The following AGBL4 variants were observed in gnomAD, a reference collection of about 807,000 sequenced individuals.
AGBL4 encodes cytosolic carboxypeptidase 6.
Under a neutral mutation model 66.4 loss-of-function variants are expected in AGBL4, and 58 were observed. The ratio of observed to expected loss-of-function variants is 0.87; its 90% confidence interval spans 0.71 to 1.09. The LOEUF is 1.09. AGBL4 is among the 50% of genes least tolerant of loss of function. The pLI, the probability that AGBL4 is intolerant of heterozygous loss-of-function variation, is 0.00. For missense variants in AGBL4, 579 were observed against 631.0 expected (o/e 0.92, Z 0.88); for synonymous variants, 234 against 222.9 (o/e 1.05, Z -0.44).
chr1:49,853,303 A>G (rs1215401783), intron 1 of AGBL4, among the ~76,000 whole-genome samples: 1 of 152,208 alleles, frequency 6.6e-6, no homozygotes, highest in East Asian at 1.9e-4. Flanking sequence ...CCACAGTAAT[A>G]ATACAAAAGG....
intron 1 of AGBL4, among the ~76,000 whole-genome samples, chr1:49,935,591 A>G (rs943740641): frequency 3.3e-5 from 5 of 152,212 alleles, no homozygotes; most frequent in Non-Finnish European, 7.3e-5. Flanking sequence ...CCCCCCCAGT[A>G]GGGGCAGACT....
chr1:49,378,668 C>T (rs894773023), intron 3 of AGBL4, among the ~76,000 whole-genome samples: 2 of 152,068 alleles, frequency 1.3e-5, no homozygotes, highest in African/African-American at 2.4e-5. Context: ...TTTCAGACAG[C>T]GTTACAAGTC....
intron 5 of AGBL4, among the ~76,000 whole-genome samples, chr1:49,011,221 G>A (rs879463295): frequency 6.6e-6 from 1 of 151,820 alleles, no homozygotes; most frequent in Non-Finnish European, 1.5e-5. Flanking sequence ...GTGGGCAAAG[G>A]ACATGAACAG....
At chr1:49,169,499 A>G (rs529337691) in intron 4 of AGBL4, among the ~76,000 whole-genome samples, 2 of 152,358 alleles carry the variant, frequency 1.3e-5, no homozygotes, top group African/African-American at 4.8e-5. Flanking sequence ...TGAAACTCAT[A>G]TAACAAAATT....
intron 6 of AGBL4, among the ~76,000 whole-genome samples, chr1:48,849,922 G>A (rs983998974): frequency 1.3e-5 from 2 of 152,086 alleles, no homozygotes; most frequent in Non-Finnish European, 2.9e-5. Context: ...GCTGTGAGCC[G>A]AGATCGCACC....
At chr1:49,256,461 C>A (rs769374658) in intron 3 of AGBL4, among the ~76,000 whole-genome samples, 21 of 151,870 alleles carry the variant, frequency 1.4e-4, no homozygotes, top group Non-Finnish European at 2.1e-4. Context: ...TATCAGATAC[C>A]TATAAATAAA....
chr1:48,682,073 A>G (rs879925867), intron 6 of AGBL4, among the ~76,000 whole-genome samples: 1 of 152,246 alleles, frequency 6.6e-6, no homozygotes, highest in Non-Finnish European at 1.5e-5. Context: ...AGATTAGGAC[A>G]CAGACTTGTG....
At chr1:48,795,739 G>A (rs1335218568) in intron 6 of AGBL4, among the ~76,000 whole-genome samples, 11 of 152,232 alleles carry the variant, frequency 7.2e-5, no homozygotes, top group Admixed American at 2.0e-4. Context: ...TGCAGCCTCC[G>A]CCTCCTGGGT....
At chr1:49,985,617 T>C (rs978398948) in intron 1 of AGBL4, among the ~76,000 whole-genome samples, 1 of 152,198 alleles carries the variant, frequency 6.6e-6, no homozygotes. Flanking sequence ...AAAAAGCCAG[T>C]ACACACGGGC....
chr1:49,008,734 C>T (rs1209169472), intron 5 of AGBL4, among the ~76,000 whole-genome samples: 2 of 135,792 alleles, frequency 1.5e-5, no homozygotes, highest in East Asian at 2.2e-4. Flanking sequence ...CACTCAAAAC[C>T]GCTCAACTAC....
At chr1:49,466,473 G>A (rs1646633219) in intron 3 of AGBL4, among the ~76,000 whole-genome samples, 1 of 151,622 alleles carries the variant, frequency 6.6e-6, no homozygotes, top group Non-Finnish European at 1.5e-5. Flanking sequence ...GGCAATGAAT[G>A]GGCCTTGCTC....
At chr1:48,796,985 G>A (rs1395015349) in intron 6 of AGBL4, among the ~76,000 whole-genome samples, 3 of 152,128 alleles carry the variant, frequency 2.0e-5, no homozygotes, top group Non-Finnish European at 4.4e-5. Flanking sequence ...CCTTCTAGGG[G>A]TCAATGATAT....
At chr1:49,029,713 G>A (rs1488322127) in intron 5 of AGBL4, among the ~76,000 whole-genome samples, 1 of 152,152 alleles carries the variant, frequency 6.6e-6, no homozygotes, top group Non-Finnish European at 1.5e-5. Flanking sequence ...ATGGCACCAT[G>A]TATAGCCAAA....
intron 6 of AGBL4, among the ~76,000 whole-genome samples, chr1:48,665,863 G>A (rs563216072): frequency 1.3e-5 from 2 of 152,306 alleles, no homozygotes; most frequent in South Asian, 4.1e-4. Context: ...GCACTAAGGA[G>A]GCCCTTGGTG....
At position 48,933,348 on chromosome 1, in the gene AGBL4, TC is replaced by T. The variant is rs572498993; in HGVS notation, c.595-66119del. On this transcript the variant is annotated intron_variant, in intron 5 of 13. Transcript: ENST00000371839. Reference sequence around the variant, plus strand: ...AATTTCTTTTAAAATACAATGGCCATCCAACTTTGCCTTAAACTCATCCAGA... The same window carrying T: ...AATTTCTTTTAAAATACAATGGCCATCAACTTTGCCTTAAACTCATCCAGA... Among the ~76,000 whole-genome samples the T allele has an allele frequency of 2.8e-4, 42 of 152,302 alleles. No individual in the cohort carries two copies. In the South Asian group the frequency reaches 8.7e-3, roughly 32 times the overall value.
intron 3 of AGBL4, among the ~76,000 whole-genome samples, chr1:49,260,746 C>T (rs1653063145): frequency 6.6e-6 from 1 of 152,106 alleles, no homozygotes; most frequent in Non-Finnish European, 1.5e-5. Flanking sequence ...GGAACTGGTA[C>T]CATTCCTTCT....
rs373130823 is a variant in AGBL4 at position 49,113,201 on chromosome 1, C to T, written c.378-67401G>A. Among the ~76,000 whole-genome samples the T allele has an allele frequency of 2.8e-4, 43 of 152,156 alleles. No individual in the cohort carries two copies. The East Asian group carries it at 3.7e-3, about 13-fold the overall frequency. ...TCCTGACCTCGTGATCCACCCACCTCGGCCTCCCAAAGTTCTGGGATTACA... is the reference window on the plus strand; with the variant it reads ...TCCTGACCTCGTGATCCACCCACCTTGGCCTCCCAAAGTTCTGGGATTACA... On this transcript the variant is annotated intron_variant, in intron 4 of 13. Transcript: ENST00000371839.
At chr1:49,791,457 A>G (rs147974894) in intron 2 of AGBL4, among the ~76,000 whole-genome samples, 36 of 152,162 alleles carry the variant, frequency 2.4e-4, no homozygotes, top group African/African-American at 8.4e-4. Flanking sequence ...GTCTTCCCCA[A>G]AATCAGGTCA....
intron 3 of AGBL4, among the ~76,000 whole-genome samples, chr1:49,610,917 TAAAC>T (rs1645143350): frequency 6.6e-6 from 1 of 152,086 alleles, no homozygotes; most frequent in Non-Finnish European, 1.5e-5. Context: ...AATAAAATAA[TAAAC>T]AAAAAGAATT....
Sources: allele counts gnomAD v4.1 joint callset (sites outside exome capture counted in the v4.1 genomes callset), GRCh38; gene constraint gnomAD v4.1.1; transcripts MANE v1.5; gene names NCBI Gene and HGNC (gene_info 2026-07-23, HGNC 2026-07-21).